The following SPECC1 variants were observed in gnomAD, a reference collection of about 807,000 sequenced individuals.
The protein encoded by SPECC1 is cytospin-B.
A neutral mutation model predicts 104.1 loss-of-function variants in SPECC1; 62 were observed. That is an observed-to-expected ratio of 0.60 (90% CI 0.49 to 0.74). SPECC1 has a LOEUF of 0.74. Among genes scored for constraint, SPECC1 ranks in the 30% least tolerant of loss-of-function variants. The pLI, the probability that SPECC1 is intolerant of heterozygous loss-of-function variation, is 0.00. For missense variants in SPECC1, 1,306 were observed against 1,310.5 expected (o/e 1.00, Z 0.05); for synonymous variants, 513 against 501.6 (o/e 1.02, Z -0.30).
chr17:20,134,268 C>T (rs2049810149), intron 3 of SPECC1, among the ~76,000 whole-genome samples: 1 of 151,760 alleles, frequency 6.6e-6, no homozygotes, highest in Admixed American at 6.6e-5. Context: ...TAGTGAGAAA[C>T]ATGGCTGCCA....
chr17:20,057,755 G>A (rs965240642), intron 1 of SPECC1: 1 of 151,770 alleles, frequency 6.6e-6, no homozygotes, highest in Admixed American at 6.6e-5. Flanking sequence ...GCCTCCCAAA[G>A]TGCTGAGATT....
At chr17:20,024,228 C>T (rs1401592633) in intron 1 of SPECC1, among the ~76,000 whole-genome samples, 2 of 152,204 alleles carry the variant, frequency 1.3e-5, no homozygotes, top group East Asian at 3.8e-4. Context: ...GAAACGTTTT[C>T]ATGCATTGTG....
At chr17:20,239,886 T>G (rs2039116660) in intron 7 of SPECC1, among the ~76,000 whole-genome samples, 2 of 122,902 alleles carry the variant, frequency 1.6e-5, no homozygotes, top group South Asian at 3.0e-4. Context: ...GAGTTTTTTT[T>G]TTTTTTTTTT....
chr17:20,056,419 T>G (rs894959639), intron 1 of SPECC1: 1 of 188,500 alleles, frequency 5.3e-6, no homozygotes, highest in Non-Finnish European at 1.2e-5. Flanking sequence ...CGAGGCCGCT[T>G]GTATCATGGA....
At chr17:20,199,883 G>A (rs1482439688) in intron 3 of SPECC1, among the ~76,000 whole-genome samples, 3 of 152,200 alleles carry the variant, frequency 2.0e-5, no homozygotes, top group South Asian at 2.1e-4. Flanking sequence ...TCCGCCTCCC[G>A]GCTTTAAGTG....
chr17:20,069,059 C>T (rs982563610), intron 1 of SPECC1, among the ~76,000 whole-genome samples: 2 of 152,188 alleles, frequency 1.3e-5, no homozygotes, highest in Non-Finnish European at 2.9e-5. Flanking sequence ...ATTATTTCAT[C>T]ACCCAGGAAG....
chr17:20,213,154 G>A (rs909749333), intron 4 of SPECC1, among the ~76,000 whole-genome samples: 1 of 152,018 alleles, frequency 6.6e-6, no homozygotes, highest in East Asian at 1.9e-4. Context: ...CTGGAGTACA[G>A]TGGTGCGATC....
chr17:20,222,317 G>A (rs1409281883), intron 4 of SPECC1, among the ~76,000 whole-genome samples: 3 of 152,254 alleles, frequency 2.0e-5, no homozygotes, highest in Non-Finnish European at 2.9e-5. Flanking sequence ...CTGGGAGACA[G>A]AGCGAGATTG....
chr17:20,276,475 A>AGT (rs1286316607), intron 12 of SPECC1, among the ~76,000 whole-genome samples: 1 of 152,212 alleles, frequency 6.6e-6, no homozygotes, highest in Non-Finnish European at 1.5e-5. Flanking sequence ...TCTTATAAAT[A>AGT]GTTTGGCTTT....
rs1202927522 is a variant in SPECC1, at chr17:20,082,810, A to G, written c.-21-13821A>G. On this transcript the variant is annotated intron_variant, in intron 1 of 14. Transcript: ENST00000395527. The stretch of plus-strand genomic sequence containing the variant: ...AGACATTAGGGGTTAGGGCTTCAAC[A>G]TAGGAAGGGAGTGGCGGGGAGGGAC... 2.0e-5 allele frequency among the ~76,000 whole-genome samples: 3 copies of G among 152,238 alleles called. No individual in the cohort carries two copies. In the East Asian group the frequency reaches 5.8e-4, roughly 29 times the overall value.
intron 12 of SPECC1, among the ~76,000 whole-genome samples, chr17:20,285,898 A>G (rs139283596): frequency 4.7e-5 from 7 of 148,146 alleles, no homozygotes; most frequent in African/African-American, 1.8e-4. Context: ...CTGCAGCCCC[A>G]GTCTCCCCAG....
chr17:20,165,015 T>C (rs888017217), intron 3 of SPECC1, among the ~76,000 whole-genome samples: 4 of 152,216 alleles, frequency 2.6e-5, no homozygotes, highest in African/African-American at 9.6e-5. Context: ...TTAAAAAAAT[T>C]AATTTTATTT....
intron 1 of SPECC1, among the ~76,000 whole-genome samples, chr17:20,053,822 GC>G (rs1330057115): frequency 1.3e-4 from 20 of 152,348 alleles, no homozygotes; most frequent in African/African-American, 4.6e-4. Flanking sequence ...AGCCAGCTAA[GC>G]CTATCTTAGA....
chr17:20,232,663 A>G (rs2038671949), intron 7 of SPECC1, among the ~76,000 whole-genome samples: 1 of 152,228 alleles, frequency 6.6e-6, no homozygotes, highest in African/African-American at 2.4e-5. Flanking sequence ...TGCTAGGCTT[A>G]AAGAATAGAA....
intron 9 of SPECC1, among the ~76,000 whole-genome samples, chr17:20,252,200 A>G (rs763955607): frequency 6.6e-6 from 1 of 152,182 alleles, no homozygotes. Context: ...CTACTCTATT[A>G]ACAAATTTTT....
At chr17:20,184,531 T>G (rs1054715107) in intron 3 of SPECC1, among the ~76,000 whole-genome samples, 1 of 152,236 alleles carries the variant, frequency 6.6e-6, no homozygotes, top group African/African-American at 2.4e-5. Flanking sequence ...ATTAAAAGTA[T>G]GAACTTTGGA....
intron 12 of SPECC1, among the ~76,000 whole-genome samples, chr17:20,261,501 C>CAAA (rs75833770): frequency 1.8e-4 from 10 of 54,736 alleles, no homozygotes; most frequent in African/African-American, 2.8e-4. Flanking sequence ...GACTCCGTCT[C>CAAA]AAAAAAAAAA....
At chr17:20,041,114 T>C (rs2045308440) in intron 1 of SPECC1, among the ~76,000 whole-genome samples, 2 of 152,158 alleles carry the variant, frequency 1.3e-5, no homozygotes, top group Admixed American at 1.3e-4. Context: ...TTCTTCATAT[T>C]GGGTAATTTC....
intron 12 of SPECC1, among the ~76,000 whole-genome samples, chr17:20,277,463 A>T (rs2040610360): frequency 1.3e-5 from 2 of 152,154 alleles, no homozygotes; most frequent in Admixed American, 1.3e-4. Context: ...TTGCCAAATG[A>T]AGTTCACTTA....
Sources: gnomAD v4.1 joint callset for allele counts (sites outside exome capture counted in the v4.1 genomes callset) on GRCh38, gnomAD v4.1.1 for gene constraint, MANE v1.5 for transcripts, NCBI Gene and HGNC (gene_info 2026-07-23, HGNC 2026-07-21) for gene names.